The following NR2E1 variants were observed in gnomAD, a reference collection of about 807,000 sequenced individuals.
NR2E1 encodes the protein nuclear receptor TLX.
A neutral mutation model predicts 43.6 loss-of-function variants in NR2E1; 5 were observed. That is an observed-to-expected ratio of 0.11 (90% confidence interval 0.06 to 0.24). The LOEUF is 0.24. Among genes scored for constraint, NR2E1 ranks in the 10% least tolerant of loss-of-function variants. NR2E1 has a pLI of 1.00. For synonymous variants in NR2E1, 191 were observed against 195.5 expected, an observed-to-expected ratio of 0.98 and a Z score of 0.19; for missense variants, 287 against 496.7, an observed-to-expected ratio of 0.58 and a Z score of 4.01.
At chr6:108,168,064 C>T in intron 1 of NR2E1, 1 of 1,602,882 alleles carries the variant, frequency 6.2e-7, no homozygotes, top group Non-Finnish European at 8.5e-7. Flanking sequence ...GAGAAGGAGC[C>T]CTCACCGCGG....
chr6:108,178,736 T>C, intron 5 of NR2E1: 1 of 227,392 alleles, frequency 4.4e-6, no homozygotes, highest in South Asian at 6.8e-5. Flanking sequence ...TTGATAAGCA[T>C]GTAAAACCAA....
At chr6:108,185,961 C>T (rs1774069897) in intron 8 of NR2E1, among the ~76,000 whole-genome samples, 1 of 152,138 alleles carries the variant, frequency 6.6e-6, no homozygotes. Context: ...TGGCAGAGGT[C>T]GTCCAGGCAG....
Position 108,178,106 on chromosome 6 carries a change from A to AGTGAATGGG in NR2E1, c.508_516dup (p.Val170_Gly172dup), listed in dbSNP as rs1216134436. On this transcript the variant is annotated inframe_insertion, in exon 5 of 9. Coordinates refer to ENST00000368986, the MANE Select transcript of NR2E1 (RefSeq NM_003269.5). ...TCTTCCCTACCCAGTACCCCCATGAAGTGAATGGGACCCCAATGTATCTCT... is the reference window on the plus strand; with the variant it reads ...TCTTCCCTACCCAGTACCCCCATGAAGTGAATGGGGTGAATGGGACCCCAATGTATCTCT... The AGTGAATGGG allele has an allele frequency of 6.2e-7, 1 of 1,614,052 alleles. No individual in the cohort carries two copies.
chr6:108,178,029 G>A, intron 4 of NR2E1, 66 bp from the exon 5 acceptor site: 3 of 1,555,880 alleles, frequency 1.9e-6, no homozygotes, highest in Non-Finnish European at 2.7e-6. Context: ...GAAATTAAAA[G>A]TTTGGTTCTT....
intron 2 of NR2E1, among the ~76,000 whole-genome samples, chr6:108,173,234 C>G (rs1773841235): frequency 6.6e-6 from 1 of 152,136 alleles, no homozygotes; most frequent in Admixed American, 6.5e-5. Flanking sequence ...TGAAGACACA[C>G]TTAAGAACTT....
intron 2 of NR2E1, among the ~76,000 whole-genome samples, chr6:108,173,136 GTTC>G (rs1020789173): frequency 2.4e-4 from 37 of 152,302 alleles, no homozygotes; most frequent in Admixed American, 2.4e-3. Flanking sequence ...CAGGCCTGGT[GTTC>G]TTCTTGCAAG....
intron 2 of NR2E1, among the ~76,000 whole-genome samples, chr6:108,173,887 T>C (rs1347642078): frequency 2.0e-5 from 3 of 152,250 alleles, no homozygotes; most frequent in African/African-American, 7.2e-5. Context: ...CAATGGCTAA[T>C]GTTTTTACAG....
intron 5 of NR2E1, among the ~76,000 whole-genome samples, chr6:108,179,543 AT>A (rs1002000111): frequency 8.5e-6 from 1 of 117,014 alleles, no homozygotes; most frequent in South Asian, 2.6e-4. Context: ...TAGACTGGCT[AT>A]TTTTTTTCAA....
intron 1 of NR2E1, chr6:108,168,306 C>G: frequency 1.3e-6 from 1 of 765,214 alleles, no homozygotes; most frequent in South Asian, 2.3e-5. Context: ...CTAGCTCGCT[C>G]GCCCCGGGAC....
chr6:108,168,591 C>T (rs545738787), intron 1 of NR2E1, among the ~76,000 whole-genome samples: 4 of 152,292 alleles, frequency 2.6e-5, no homozygotes, highest in Non-Finnish European at 5.9e-5. Flanking sequence ...CCTCCAGCCC[C>T]GGCTCAGGTC....
chr6:108,176,020 C>A, intron 3 of NR2E1: 1 of 160,564 alleles, frequency 6.2e-6, no homozygotes, highest in Non-Finnish European at 1.4e-5. Context: ...AGGCCAAAAG[C>A]TATTTCTGTG....
chr6:108,172,437 A>G (rs1773829039), intron 2 of NR2E1, among the ~76,000 whole-genome samples: 1 of 152,232 alleles, frequency 6.6e-6, no homozygotes, highest in Admixed American at 6.5e-5. Context: ...ATATGAGCCA[A>G]AGCTTCTAGA....
At chr6:108,176,386 C>A in intron 3 of NR2E1, 117 bp from the exon 4 acceptor site, 1 of 916,440 alleles carries the variant, frequency 1.1e-6, no homozygotes, top group Non-Finnish European at 1.7e-6. Context: ...CTTTTCACCT[C>A]TTGGGCGATT....
chr6:108,170,601 A>G (rs185164352), intron 1 of NR2E1, among the ~76,000 whole-genome samples: 1 of 151,598 alleles, frequency 6.6e-6, no homozygotes, highest in Admixed American at 6.6e-5. Context: ...CAGATTCTTA[A>G]TTTAAAAAAA....
In NR2E1 at chr6:108,169,324, C is replaced by A. The variant is rs547234586; in HGVS notation, c.26-2134C>A. ...GAGGGCAACAGTCCGGAAGCTCGGG[C>A]GGGGGAATCCGAGGAGGGGCCCCCA... On this transcript the variant is annotated intron_variant, in intron 1 of 8. Coordinates refer to ENST00000368986, the MANE Select transcript of NR2E1 (RefSeq NM_003269.5). This position sits in a 1 kb window ranked among gnomAD's most constrained non-coding sequence, Gnocchi z 6.1. Among the ~76,000 whole-genome samples, 2 of 152,162 alleles carry A rather than the reference C, an allele frequency of 1.3e-5. No homozygotes were observed. Among genetic ancestry groups the A allele is most frequent in the South Asian group, 2.1e-4 (1 of 4,830 alleles).
Position 108,166,246 on chromosome 6 carries a change from C to T in NR2E1, c.-520C>T, listed in dbSNP as rs1252977128. ...GCTTGGGTTCCGGCAGCGCGGAGCC[C>T]GTCTGCCTCTGAGACTGCGGTAGTG... On this transcript the variant is annotated 5_prime_UTR_variant, in exon 1 of 9. Transcript: ENST00000368986. This position sits in a 1 kb window ranked among gnomAD's most constrained non-coding sequence, Gnocchi z 7.2. The T allele has an allele frequency of 6.5e-6, 1 of 152,732 alleles. No individual in the cohort carries two copies. The highest frequency in any genetic ancestry group is 1.5e-5 in the Non-Finnish European group (1 of 68,200). 9.5% of individuals were successfully genotyped at this position (152,732 alleles called of 1,614,324 possible).
intron 5 of NR2E1, chr6:108,179,225 TG>T (rs1773947277): frequency 6.6e-6 from 1 of 152,224 alleles, no homozygotes; most frequent in Admixed American, 6.5e-5. Context: ...CTTTCAAATA[TG>T]GCCAGAATTA....
At chr6:108,168,114 C>T (rs775878975) in intron 1 of NR2E1, 10 of 1,603,592 alleles carry the variant, frequency 6.2e-6, no homozygotes, top group African/African-American at 1.3e-5. Context: ...ACTGGGTTTC[C>T]CTTTAGGCTC....
intron 7 of NR2E1, 84 bp downstream of exon 7, chr6:108,181,040 C>G (rs903710405): frequency 1.4e-6 from 2 of 1,438,694 alleles, no homozygotes; most frequent in African/African-American, 2.8e-5. Context: ...CTGAACTGAC[C>G]TTTGCAAAAA....
Sources: gnomAD v4.1 joint callset for allele counts (sites outside exome capture counted in the v4.1 genomes callset) on GRCh38, gnomAD v4.1.1 for gene constraint, Gnocchi (gnomAD v3.1) non-coding constraint, MANE v1.5 for transcripts, NCBI Gene and HGNC (gene_info 2026-07-23, HGNC 2026-07-21) for gene names.